Variants in METTL15 observed in about 807,000 individuals in gnomAD.
The protein encoded by METTL15 is 12S rRNA N(4)-cytidine methyltransferase METTL15.
METTL15 carries 34 observed loss-of-function variants against 38.3 expected under a neutral mutation model. The ratio of observed to expected loss-of-function variants is 0.89; its 90% CI spans 0.68 to 1.18. The LOEUF (loss-of-function observed/expected upper bound fraction) is 1.18, where lower values mean the gene tolerates loss of function less well. Ranked by LOEUF, METTL15 falls within the 50% of genes most tolerant of loss-of-function variation. METTL15 has a pLI of 0.00. For synonymous variants in METTL15, 162 were observed against 170.9 expected (o/e 0.95, Z 0.41); for missense variants, 438 against 498.4 (o/e 0.88, Z 1.15).
chr11:28,382,739 G>A (rs1850401535), intron 5 of METTL15, among the ~76,000 whole-genome samples: 2 of 151,908 alleles, frequency 1.3e-5, no homozygotes. Context: ...GGAGGCTGAG[G>A]CAGGAGAATT....
chr11:28,265,096 A>G (rs1434489477), intron 4 of METTL15, among the ~76,000 whole-genome samples: 2 of 152,146 alleles, frequency 1.3e-5, no homozygotes, highest in Non-Finnish European at 2.9e-5. Flanking sequence ...CTGTGGTGTG[A>G]TAAGAGTGTG....
chr11:28,185,087 T>TAAAACAGAG, intron 3 of METTL15, among the ~76,000 whole-genome samples: 1 of 151,616 alleles, frequency 6.6e-6, no homozygotes, highest in Non-Finnish European at 1.5e-5. Context: ...ATATAGAGTC[T>TAAAACAGAG]TTAACTGTTT....
intron 4 of METTL15, among the ~76,000 whole-genome samples, chr11:28,231,684 G>A (rs1220860185): frequency 5.3e-5 from 8 of 151,646 alleles, no homozygotes; most frequent in African/African-American, 1.9e-4. Context: ...CTCTCTTCAT[G>A]TCTATGTGCT....
intron 4 of METTL15, chr11:28,261,146 G>C (rs899402265): frequency 2.0e-5 from 3 of 152,064 alleles, no homozygotes; most frequent in Non-Finnish European, 4.4e-5. Context: ...TGAATCTCTG[G>C]CATTTTAATT....
chr11:28,248,554 C>A (rs1854607960), intron 4 of METTL15, among the ~76,000 whole-genome samples: 1 of 151,962 alleles, frequency 6.6e-6, no homozygotes, highest in South Asian at 2.1e-4. Context: ...ATTGTATTAG[C>A]CTTGTAAGTA....
chr11:28,375,918 T>G (rs1393885000), intron 5 of METTL15, among the ~76,000 whole-genome samples: 8 of 152,114 alleles, frequency 5.3e-5, no homozygotes, highest in Admixed American at 2.6e-4. Context: ...CTTCATTTCG[T>G]TATGTACCCA....
In METTL15 at chr11:28,257,791, G is replaced by A. The variant is rs554376928; in HGVS notation, c.408-32415G>A. On this transcript the variant is annotated intron_variant, in intron 4 of 6. Coordinates refer to ENST00000407364, the MANE Select transcript of METTL15 (RefSeq NM_001113528.2). ...TCATAAAATTCAGAATTCCTTCTGTGTGTTATCTTGAATTTCTTTGAGTTT... is the reference window on the plus strand; with the variant it reads ...TCATAAAATTCAGAATTCCTTCTGTATGTTATCTTGAATTTCTTTGAGTTT... Among the ~76,000 whole-genome samples, 19 of 152,188 alleles carry A rather than the reference G, an allele frequency of 1.2e-4. No homozygotes were observed. The South Asian group carries it at 3.9e-3, about 32-fold the overall frequency.
At chr11:28,467,138 C>T (rs1482249426) in intron 6 of METTL15, among the ~76,000 whole-genome samples, 3 of 152,140 alleles carry the variant, frequency 2.0e-5, no homozygotes, top group Non-Finnish European at 4.4e-5. Flanking sequence ...GAGGGCATCT[C>T]ATCGAGGAGG....
chr11:28,224,467 A>G (rs1853387640), intron 4 of METTL15, among the ~76,000 whole-genome samples: 1 of 151,968 alleles, frequency 6.6e-6, no homozygotes, highest in East Asian at 1.9e-4. Flanking sequence ...AAAAATTAAA[A>G]TAATTCATAG....
chr11:28,248,144 G>A (rs1854588290), intron 4 of METTL15, among the ~76,000 whole-genome samples: 1 of 152,004 alleles, frequency 6.6e-6, no homozygotes, highest in Non-Finnish European at 1.5e-5. Context: ...AAAATCCTTT[G>A]TAATCGGTTG....
At chr11:28,297,264 A>G (rs1033500489) in intron 6 of METTL15, among the ~76,000 whole-genome samples, 11 of 152,146 alleles carry the variant, frequency 7.2e-5, no homozygotes, top group Non-Finnish European at 1.6e-4. Flanking sequence ...TGAAACATGG[A>G]ATGATGAGCA....
chr11:28,309,322 C>T (rs1186881189), intron 6 of METTL15, among the ~76,000 whole-genome samples: 2 of 152,172 alleles, frequency 1.3e-5, no homozygotes, highest in African/African-American at 4.8e-5. Context: ...CAAACCTCCT[C>T]TTTAAACTGT....
rs557992742 is a variant in METTL15 at position 28,428,430 on chromosome 11, T to C, written c.*424+4066T>C. 2.2e-4 allele frequency among the ~76,000 whole-genome samples: 33 copies of C among 152,324 alleles called. No individual in the cohort carries two copies. In the South Asian group the frequency reaches 5.4e-3, roughly 25 times the overall value. ...TTGTATATACAATCCTAGGATGTGGTTAAATGAGATAACTCATGCCAAGCA... is the reference window on the plus strand; with the variant it reads ...TTGTATATACAATCCTAGGATGTGGCTAAATGAGATAACTCATGCCAAGCA... On this transcript the variant is annotated intron_variant and NMD_transcript_variant, in intron 6 of 7. Transcript: ENST00000532947.
chr11:28,326,671 A>C (rs1237668745), intron 6 of METTL15, among the ~76,000 whole-genome samples: 2 of 151,948 alleles, frequency 1.3e-5, no homozygotes, highest in Non-Finnish European at 2.9e-5. Flanking sequence ...CAACCTCCCC[A>C]GACTCAGATG....
chr11:28,489,172 G>A (rs1200913424), intron 6 of METTL15, among the ~76,000 whole-genome samples: 2 of 152,092 alleles, frequency 1.3e-5, no homozygotes, highest in Non-Finnish European at 2.9e-5. Context: ...GCTTTGGACA[G>A]CTGCTGGTAT....
intron 6 of METTL15, among the ~76,000 whole-genome samples, chr11:28,518,165 G>T (rs923563791): frequency 2.6e-5 from 4 of 151,914 alleles, no homozygotes; most frequent in Admixed American, 6.6e-5. Context: ...CAGGAGAAAG[G>T]TTTAAAAAAA....
chr11:28,456,706 C>A (rs960783869), intron 6 of METTL15, among the ~76,000 whole-genome samples: 27 of 152,132 alleles, frequency 1.8e-4, no homozygotes, highest in Non-Finnish European at 3.8e-4. Context: ...TCCCACAGTG[C>A]TGGGATTACA....
rs1016332248 is a variant in METTL15 at position 28,296,483 on chromosome 11, T to A, written c.600-270T>A. Among the ~76,000 whole-genome samples, 43 of 152,190 alleles carry A rather than the reference T, an allele frequency of 2.8e-4. 1 individual carries two copies. Among genetic ancestry groups the A allele is most frequent in the Admixed American group, 1.3e-4 (2 of 15,280 alleles). On this transcript the variant is annotated intron_variant, in intron 5 of 6. Coordinates refer to ENST00000407364, the MANE Select transcript of METTL15 (RefSeq NM_001113528.2). ...AAAATACACAGGAAATAAAAATTTC[T>A]TTGTGAATTAAAGTTTAAGGTTAGT...
At chr11:28,211,573 T>C (rs1013393693) in intron 4 of METTL15, among the ~76,000 whole-genome samples, 4 of 152,130 alleles carry the variant, frequency 2.6e-5, no homozygotes, top group Non-Finnish European at 5.9e-5. Flanking sequence ...GTGAGAATTC[T>C]GTAGAACTCA....
Sources: allele counts gnomAD v4.1 joint callset (sites outside exome capture counted in the v4.1 genomes callset), GRCh38; gene constraint gnomAD v4.1.1; transcripts MANE v1.5; gene names NCBI Gene and HGNC (gene_info 2026-07-23, HGNC 2026-07-21).